The following SPATS2 variants were observed in gnomAD, a reference collection of about 807,000 sequenced individuals.
The protein encoded by SPATS2 is spermatogenesis-associated serine-rich protein 2.
Under a neutral mutation model 63.7 loss-of-function variants are expected in SPATS2, and 38 were observed. That is an observed-to-expected ratio of 0.60 (90% CI 0.46 to 0.78). The LOEUF (loss-of-function observed/expected upper bound fraction) is 0.78, where lower values mean the gene tolerates loss of function less well. Among genes scored for constraint, SPATS2 ranks in the 30% least tolerant of loss-of-function variants. The pLI is 0.00. For synonymous variants in SPATS2, 207 were observed against 232.9 expected (o/e 0.89, Z 1.01); for missense variants, 588 against 666.2 (o/e 0.88, Z 1.29).
At chr12:49,511,960 T>C (rs1233414053) in intron 9 of SPATS2, among the ~76,000 whole-genome samples, 2 of 152,212 alleles carry the variant, frequency 1.3e-5, no homozygotes, top group African/African-American at 2.4e-5. Context: ...TGTGTGTGTA[T>C]AATATTTTGG....
intron 4 of SPATS2, among the ~76,000 whole-genome samples, chr12:49,488,251 G>A (rs1946328034): frequency 6.6e-6 from 1 of 151,630 alleles, no homozygotes; most frequent in Non-Finnish European, 1.5e-5. Flanking sequence ...TTCCATGTTG[G>A]TCAGGCTGGT....
chr12:49,389,677 T>C (rs1371947415), intron 2 of SPATS2: 1 of 1,480,790 alleles, frequency 6.8e-7, no homozygotes, highest in African/African-American at 1.4e-5. Flanking sequence ...AAGAGCTTAA[T>C]GAAGTCGCAA....
intron 2 of SPATS2, 72 bp downstream of exon 2, chr12:49,371,362 C>T (rs1007672149): frequency 1.3e-5 from 2 of 152,214 alleles, no homozygotes; most frequent in Non-Finnish European, 2.9e-5. Context: ...CACAATTCAT[C>T]CATGTTGTAG....
At chr12:49,492,053 G>A (rs1338670035) in intron 6 of SPATS2, among the ~76,000 whole-genome samples, 2 of 152,206 alleles carry the variant, frequency 1.3e-5, no homozygotes, top group East Asian at 1.9e-4. Context: ...CCTCAGTGAC[G>A]CTTGAGAATT....
chr12:49,374,302 A>C (rs542779359), intron 2 of SPATS2, among the ~76,000 whole-genome samples: 31 of 151,854 alleles, frequency 2.0e-4, no homozygotes, highest in Non-Finnish European at 3.4e-4. Flanking sequence ...CTAGTTTTAA[A>C]ATTTTTTGTA....
At chr12:49,525,918 T>G in intron 13 of SPATS2, 26 bp from the exon 14 acceptor site, 1 of 1,604,932 alleles carries the variant, frequency 6.2e-7, no homozygotes, top group South Asian at 1.1e-5. Context: ...TAGAGCACCT[T>G]GAACATTGTA....
intron 2 of SPATS2, among the ~76,000 whole-genome samples, chr12:49,452,233 T>C (rs1156932854): frequency 6.6e-6 from 1 of 152,236 alleles, no homozygotes; most frequent in Non-Finnish European, 1.5e-5. Flanking sequence ...TTGTGTATAG[T>C]GGTATACTTG....
intron 2 of SPATS2, among the ~76,000 whole-genome samples, chr12:49,374,958 CAAA>C (rs10687716): frequency 4.0e-5 from 1 of 24,742 alleles, no homozygotes; most frequent in Non-Finnish European, 8.2e-5. Flanking sequence ...GGATCTGTCT[CAAA>C]AAAAAAAAAA....
intron 2 of SPATS2, among the ~76,000 whole-genome samples, chr12:49,377,697 A>G (rs931813625): frequency 2.6e-5 from 4 of 152,176 alleles, no homozygotes; most frequent in African/African-American, 9.6e-5. Context: ...ATATTTCTAT[A>G]TATAATATGA....
intron 2 of SPATS2, among the ~76,000 whole-genome samples, chr12:49,414,654 G>A (rs1489503227): frequency 6.6e-6 from 1 of 151,978 alleles, no homozygotes; most frequent in African/African-American, 2.4e-5. Flanking sequence ...TCAAAGGCTG[G>A]AGTGCGGTGG....
chr12:49,500,279 C>T lies in SPATS2; in HGVS notation c.839+74C>T. ...AAATATAAAGATGGTCAGCCATTCC[C>T]CAAGTTCATTCATTCATGACTAACT... On this transcript the variant is annotated intron_variant, in intron 9 of 13. Coordinates refer to ENST00000552918, the MANE Select transcript of SPATS2 (RefSeq NM_023071.4). 16 of 1,456,428 alleles carry T rather than the reference C, an allele frequency of 1.1e-5. No homozygotes were observed. In the South Asian group the frequency reaches 2.4e-4, roughly 22 times the overall value. 90.2% of individuals were successfully genotyped at this position (1,456,428 alleles called of 1,614,324 possible).
At chr12:49,495,127 T>A in intron 7 of SPATS2, 125 bp downstream of exon 7, 1 of 1,057,816 alleles carries the variant, frequency 9.5e-7, no homozygotes, top group Non-Finnish European at 1.3e-6. Flanking sequence ...ATTAGTCTTT[T>A]TACTTTTTAG....
At chr12:49,400,497 A>G (rs537932303) in intron 2 of SPATS2, among the ~76,000 whole-genome samples, 1 of 152,290 alleles carries the variant, frequency 6.6e-6, no homozygotes, top group African/African-American at 2.4e-5. Flanking sequence ...AATATTGCTG[A>G]TGCAGGAGGG....
chr12:49,441,327 T>A (rs1945414487), intron 2 of SPATS2, among the ~76,000 whole-genome samples: 1 of 152,198 alleles, frequency 6.6e-6, no homozygotes, highest in Non-Finnish European at 1.5e-5. Context: ...TATTCTCAAG[T>A]ACCATAATCC....
intron 2 of SPATS2, among the ~76,000 whole-genome samples, chr12:49,423,723 TGTAA>T (rs879512339): frequency 2.0e-5 from 3 of 152,202 alleles, no homozygotes; most frequent in East Asian, 1.9e-4. Context: ...AAAGAAACCC[TGTAA>T]GTAACTGTCG....
intron 3 of SPATS2, among the ~76,000 whole-genome samples, chr12:49,474,476 A>G (rs751680442): frequency 1.1e-4 from 17 of 152,248 alleles, no homozygotes; most frequent in Non-Finnish European, 8.8e-5. Context: ...CTTTGAAGCA[A>G]GGTAGATGGG....
At chr12:49,445,772 C>T (rs779233051) in intron 2 of SPATS2, among the ~76,000 whole-genome samples, 8 of 151,958 alleles carry the variant, frequency 5.3e-5, no homozygotes, top group South Asian at 2.1e-4. Flanking sequence ...CTGCCTGCCT[C>T]GGCCTCCCAA....
intron 2 of SPATS2, among the ~76,000 whole-genome samples, chr12:49,395,502 G>A (rs1331117417): frequency 1.3e-5 from 2 of 150,582 alleles, no homozygotes; most frequent in Non-Finnish European, 2.9e-5. Context: ...TTGGCTCACT[G>A]CAACCTCCTC....
chr12:49,389,570 T>C (rs1365489275), intron 2 of SPATS2: 6 of 1,024,870 alleles, frequency 5.9e-6, no homozygotes, highest in Non-Finnish European at 9.3e-6. Flanking sequence ...TGTTGAAAGA[T>C]TAAGAGATCA....
Sources: allele counts gnomAD v4.1 joint callset (sites outside exome capture counted in the v4.1 genomes callset), GRCh38; gene constraint gnomAD v4.1.1; transcripts MANE v1.5; gene names NCBI Gene and HGNC (gene_info 2026-07-23, HGNC 2026-07-21).